Variants in PHF14 observed in about 807,000 individuals in gnomAD.
PHF14 encodes the protein PHD finger protein 14.
A neutral mutation model predicts 117.9 loss-of-function variants in PHF14; 55 were observed. The observed-to-expected ratio is 0.47, with a 90% confidence interval of 0.38 to 0.58. The LOEUF is 0.58. Ranked by LOEUF, PHF14 falls within the 20% of genes least tolerant of loss-of-function variation. The pLI is 0.00. For synonymous variants in PHF14, 409 were observed against 368.6 expected (o/e 1.11, Z -1.26); for missense variants, 978 against 1,122.2 (o/e 0.87, Z 1.84).
chr7:11,062,426 A>G (rs770823579), intron 16 of PHF14: 3 of 160,416 alleles, frequency 1.9e-5, no homozygotes, highest in Non-Finnish European at 4.1e-5. Context: ...GTCAGAAAAC[A>G]ATAAAGTTAC....
intron 10 of PHF14, among the ~76,000 whole-genome samples, chr7:11,038,003 A>C (rs936903823): frequency 4.6e-5 from 7 of 152,222 alleles, no homozygotes; most frequent in African/African-American, 1.7e-4. Context: ...GAAGGTATAA[A>C]CGTAGTTACC....
intron 17 of PHF14, among the ~76,000 whole-genome samples, chr7:11,160,272 A>G (rs1442637409): frequency 6.6e-6 from 1 of 152,174 alleles, no homozygotes; most frequent in Non-Finnish European, 1.5e-5. Context: ...ATTTCATGGT[A>G]TATATGTACA....
intron 16 of PHF14, chr7:11,107,817 T>C: frequency 1.3e-6 from 1 of 786,514 alleles, no homozygotes; most frequent in Non-Finnish European, 1.5e-6. Context: ...TTTATTTTGA[T>C]AAATTTTGTC....
intron 17 of PHF14, among the ~76,000 whole-genome samples, chr7:11,146,826 G>A (rs1287964884): frequency 6.6e-6 from 1 of 152,016 alleles, no homozygotes; most frequent in African/African-American, 2.4e-5. Context: ...AATCAACGAT[G>A]CAGCTTTTTT....
At chr7:11,007,031 G>A (rs544458109) in intron 4 of PHF14, among the ~76,000 whole-genome samples, 131 of 152,092 alleles carry the variant, frequency 8.6e-4, no homozygotes, top group Non-Finnish European at 1.3e-3. Flanking sequence ...CAAAAAATTT[G>A]CCAGGTGTGG....
intron 17 of PHF14, among the ~76,000 whole-genome samples, chr7:11,137,082 C>T (rs1168204183): frequency 2.6e-5 from 4 of 152,198 alleles, no homozygotes; most frequent in Non-Finnish European, 5.9e-5. Flanking sequence ...GTTTGTGACT[C>T]CACGGCTTAA....
chr7:11,110,650 C>T (rs907880857), intron 16 of PHF14: 6 of 326,464 alleles, frequency 1.8e-5, no homozygotes, highest in Admixed American at 7.3e-5. Context: ...TAAAACCAAA[C>T]GGTCTGAAGA....
intron 17 of PHF14, among the ~76,000 whole-genome samples, chr7:11,149,972 T>G (rs113840207): frequency 4.6e-5 from 7 of 152,254 alleles, no homozygotes; most frequent in African/African-American, 1.4e-4. Context: ...CTTGAATGTT[T>G]CTAGTGTGTG....
At chr7:11,074,216 CT>C (rs796725577) in intron 16 of PHF14, among the ~76,000 whole-genome samples, 124 of 143,310 alleles carry the variant, frequency 8.7e-4, no homozygotes, top group Admixed American at 7.7e-4. Flanking sequence ...TTCTTTTTTT[CT>C]TTTTTTTTTT....
At chr7:11,069,789 C>T (rs1376355852) in intron 16 of PHF14, among the ~76,000 whole-genome samples, 1 of 151,074 alleles carries the variant, frequency 6.6e-6, no homozygotes, top group African/African-American at 2.4e-5. Context: ...TCCTGAGTAG[C>T]TGGAATTACC....
intron 17 of PHF14, among the ~76,000 whole-genome samples, chr7:11,116,268 A>G (rs1200575652): frequency 6.6e-6 from 1 of 151,882 alleles, no homozygotes; most frequent in African/African-American, 2.4e-5. Flanking sequence ...CTCTATCTCC[A>G]TTCCTGGAAT....
chr7:11,076,392 T>A (rs1003012336), intron 16 of PHF14, among the ~76,000 whole-genome samples: 1 of 152,154 alleles, frequency 6.6e-6, no homozygotes, highest in Non-Finnish European at 1.5e-5. Context: ...TAACCTCTAT[T>A]CTTATAAGTA....
At chr7:11,085,075 G>A (rs1374499952) in intron 16 of PHF14, among the ~76,000 whole-genome samples, 2 of 151,914 alleles carry the variant, frequency 1.3e-5, no homozygotes, top group African/African-American at 4.8e-5. Flanking sequence ...TGATATTTAT[G>A]TCTGAAAAAC....
intron 13 of PHF14, among the ~76,000 whole-genome samples, chr7:11,043,445 A>T (rs1226424318): frequency 6.6e-6 from 1 of 152,156 alleles, no homozygotes; most frequent in Non-Finnish European, 1.5e-5. Context: ...ATATAGGAAA[A>T]GGAAAACTTT....
chr7:11,100,565 C>T (rs1486469574), intron 16 of PHF14, among the ~76,000 whole-genome samples: 4 of 151,788 alleles, frequency 2.6e-5, no homozygotes, highest in Non-Finnish European at 5.9e-5. Context: ...AAAATACTAC[C>T]ATAGTGTATG....
intron 13 of PHF14, among the ~76,000 whole-genome samples, chr7:11,048,432 C>T (rs1396650595): frequency 6.6e-6 from 1 of 152,008 alleles, no homozygotes; most frequent in Non-Finnish European, 1.5e-5. Flanking sequence ...ATTAGCCAGG[C>T]ATGGTGGCAG....
At chr7:11,115,768 T>C (rs1459471634) in intron 17 of PHF14, among the ~76,000 whole-genome samples, 1 of 152,062 alleles carries the variant, frequency 6.6e-6, no homozygotes, top group Non-Finnish European at 1.5e-5. Flanking sequence ...GTCTTGAATC[T>C]GGACAGTTCC....
intron 17 of PHF14, among the ~76,000 whole-genome samples, chr7:11,155,856 T>C (rs1188211366): frequency 6.6e-6 from 1 of 152,154 alleles, no homozygotes; most frequent in African/African-American, 2.4e-5. Flanking sequence ...AGATGGCTTA[T>C]ATAGCTTGCT....
chr7:11,019,630 T>G (rs1783660614), intron 5 of PHF14, among the ~76,000 whole-genome samples: 1 of 152,176 alleles, frequency 6.6e-6, no homozygotes, highest in Admixed American at 6.5e-5. Flanking sequence ...ATCTTCTCTC[T>G]TTTTTCCTCA....
Sources: gnomAD v4.1 joint callset for allele counts (sites outside exome capture counted in the v4.1 genomes callset) on GRCh38, gnomAD v4.1.1 for gene constraint, MANE v1.5 for transcripts, NCBI Gene and HGNC (gene_info 2026-07-23, HGNC 2026-07-21) for gene names.